The following TINAG variants were observed in gnomAD, a reference collection of about 807,000 sequenced individuals.
TINAG encodes the protein tubulointerstitial nephritis antigen.
In TINAG, 83 loss-of-function variants were observed where a neutral mutation model predicts 72.7. The observed-to-expected ratio is 1.14, with a 90% CI of 0.96 to 1.37. TINAG has a LOEUF of 1.37. Among genes scored for constraint, TINAG ranks in the 40% most tolerant of loss-of-function variants. The probability of loss-of-function intolerance (pLI) is 0.00; values close to 1 mark genes in which losing one functional copy is unlikely to be tolerated. For missense variants in TINAG, 685 were observed against 576.6 expected (o/e 1.19, Z -1.93); for synonymous variants, 234 against 189.9 (o/e 1.23, Z -1.91).
At chr6:54,371,981 G>GTTTTTTTTTTTTTTTT (rs576340253) in intron 9 of TINAG, among the ~76,000 whole-genome samples, 1 of 71,420 alleles carries the variant, frequency 1.4e-5, no homozygotes, top group African/African-American at 5.1e-5. Context: ...TTCAAGTCAT[G>GTTTTTTTTTTTTTTTT]TTTTTTTTTT....
At chr6:54,357,555 A>G (rs917059991) in intron 9 of TINAG, among the ~76,000 whole-genome samples, 1 of 151,948 alleles carries the variant, frequency 6.6e-6, no homozygotes, top group Non-Finnish European at 1.5e-5. Flanking sequence ...TTCTATCTTA[A>G]TTAATGACAG....
intron 7 of TINAG, among the ~76,000 whole-genome samples, chr6:54,350,947 T>TA (rs1365020394): frequency 6.6e-6 from 1 of 151,814 alleles, no homozygotes; most frequent in Non-Finnish European, 1.5e-5. Context: ...CCTGCCTCCC[T>TA]ACAGAGGGCT....
At chr6:54,345,350 A>G (rs947291876) in intron 5 of TINAG, among the ~76,000 whole-genome samples, 2 of 152,116 alleles carry the variant, frequency 1.3e-5, no homozygotes, top group Non-Finnish European at 2.9e-5. Context: ...CTTCAGTTGA[A>G]ATCTACAGAT....
At chr6:54,361,380 G>T (rs960512277) in intron 9 of TINAG, among the ~76,000 whole-genome samples, 5 of 151,670 alleles carry the variant, frequency 3.3e-5, no homozygotes, top group Non-Finnish European at 7.4e-5. Context: ...TGACTGGAGA[G>T]GTTTCAGGAA....
intron 9 of TINAG, among the ~76,000 whole-genome samples, chr6:54,361,086 A>G (rs1362519207): frequency 6.6e-6 from 1 of 151,138 alleles, no homozygotes; most frequent in Non-Finnish European, 1.5e-5. Context: ...CAGCACCCAT[A>G]TAAGATGGCA....
intron 9 of TINAG, among the ~76,000 whole-genome samples, chr6:54,368,389 A>T (rs1010654988): frequency 6.7e-6 from 1 of 148,610 alleles, no homozygotes; most frequent in Non-Finnish European, 1.5e-5. Flanking sequence ...ATTATTATAC[A>T]TTATTAAATT....
chr6:54,308,067 T>G, upstream of TINAG: 14 of 1,549,516 alleles, frequency 9.0e-6, no homozygotes, highest in Non-Finnish European at 1.2e-5. Flanking sequence ...GGCAACCTCA[T>G]GAGAGCCTGG....
At position 54,346,497 on chromosome 6, in the gene TINAG, TA is replaced by T. The variant is rs1336373629; in HGVS notation, c.749-869del. 1.3e-4 allele frequency among the ~76,000 whole-genome samples: 19 copies of T among 151,652 alleles called. 1 individual carries two copies. The South Asian group carries it at 3.9e-3, about 31-fold the overall frequency. Reference sequence around the variant, plus strand: ...ATTATTAGTTGTATATAGCATCACATATAATCAGTTACATATATAGCTATTA... The same window carrying T: ...ATTATTAGTTGTATATAGCATCACATTAATCAGTTACATATATAGCTATTA... On this transcript the variant is annotated intron_variant, in intron 5 of 10. Coordinates refer to ENST00000259782, the MANE Select transcript of TINAG (RefSeq NM_014464.4).
intron 1 of TINAG, among the ~76,000 whole-genome samples, chr6:54,317,386 G>A (rs1267706830): frequency 6.6e-6 from 1 of 152,126 alleles, no homozygotes; most frequent in African/African-American, 2.4e-5. Flanking sequence ...AGAGGGAATT[G>A]AATCACGGGG....
intron 9 of TINAG, among the ~76,000 whole-genome samples, chr6:54,367,835 T>G (rs1310191278): frequency 6.6e-6 from 1 of 151,784 alleles, no homozygotes; most frequent in Non-Finnish European, 1.5e-5. Flanking sequence ...ATGGAAAGTC[T>G]AAGATTGTAG....
chr6:54,385,654 A>AAC (rs1307946011), intron 10 of TINAG, among the ~76,000 whole-genome samples: 1 of 152,062 alleles, frequency 6.6e-6, no homozygotes, highest in East Asian at 1.9e-4. Flanking sequence ...ATGAAGCGGT[A>AAC]ACACCAATAC....
chr6:54,322,486 A>T (rs930096440), intron 3 of TINAG, among the ~76,000 whole-genome samples: 13 of 152,208 alleles, frequency 8.5e-5, no homozygotes, highest in Admixed American at 8.5e-4. Flanking sequence ...AACATCTTCT[A>T]CATTTCTGGA....
intron 10 of TINAG, among the ~76,000 whole-genome samples, chr6:54,382,844 C>T (rs1357660463): frequency 6.6e-6 from 1 of 152,100 alleles, no homozygotes; most frequent in Non-Finnish European, 1.5e-5. Context: ...CAAGCAGATT[C>T]CTCCTTTCCC....
chr6:54,367,431 G>A (rs970452015), intron 9 of TINAG, among the ~76,000 whole-genome samples: 3 of 151,750 alleles, frequency 2.0e-5, no homozygotes, highest in Non-Finnish European at 2.9e-5. Flanking sequence ...TGACCTTGAA[G>A]TGCACATAGT....
chr6:54,329,364 C>T (rs146770902), intron 4 of TINAG, among the ~76,000 whole-genome samples: 1,588 of 152,110 alleles, frequency 0.01, 27 homozygotes, highest in African/African-American at 0.035. Flanking sequence ...ATTTCATATC[C>T]AGACAAACTA....
At chr6:54,333,083 A>G (rs1198135149) in intron 4 of TINAG, among the ~76,000 whole-genome samples, 2 of 152,226 alleles carry the variant, frequency 1.3e-5, no homozygotes, top group African/African-American at 4.8e-5. Flanking sequence ...ATCTAGAACT[A>G]GAAATACCAT....
chr6:54,338,250 A>G (rs1784913182), intron 4 of TINAG, among the ~76,000 whole-genome samples: 1 of 152,226 alleles, frequency 6.6e-6, no homozygotes, highest in African/African-American at 2.4e-5. Context: ...CTAATTGATA[A>G]CTGCAGGACA....
intron 4 of TINAG, among the ~76,000 whole-genome samples, chr6:54,328,124 A>G (rs1291209503): frequency 1.3e-5 from 2 of 152,116 alleles, no homozygotes; most frequent in Non-Finnish European, 2.9e-5. Context: ...CTGTTAAAGG[A>G]CAGACTGCCT....
intron 3 of TINAG, 52 bp from the exon 4 acceptor site, chr6:54,326,750 G>A: frequency 5.6e-6 from 7 of 1,258,578 alleles, no homozygotes; most frequent in Non-Finnish European, 7.6e-6. Flanking sequence ...TAAAAGTGAT[G>A]TCATATAACC....
Sources: allele counts gnomAD v4.1 joint callset (sites outside exome capture counted in the v4.1 genomes callset), GRCh38; gene constraint gnomAD v4.1.1; transcripts MANE v1.5; gene names NCBI Gene and HGNC (gene_info 2026-07-23, HGNC 2026-07-21).